Variants in COL24A1 observed in about 807,000 individuals in gnomAD.
COL24A1 encodes collagen alpha-1(XXIV) chain.
A neutral mutation model predicts 253.9 loss-of-function variants in COL24A1; 224 were observed. That is an observed-to-expected ratio of 0.88 (90% CI 0.79 to 0.99). COL24A1 has a LOEUF of 0.99. COL24A1 is among the 50% of genes least tolerant of loss of function. The pLI is 0.00. For synonymous variants in COL24A1, 685 were observed against 673.7 expected (o/e 1.02, Z -0.26); for missense variants, 2,131 against 2,068.5 (o/e 1.03, Z -0.59).
At chr1:85,757,393 G>A (rs1389312567) in intron 55 of COL24A1, among the ~76,000 whole-genome samples, 1 of 151,964 alleles carries the variant, frequency 6.6e-6, no homozygotes, top group Non-Finnish European at 1.5e-5. Flanking sequence ...CCAACAAAGG[G>A]CAAGATGAAT....
At position 85,825,437 on chromosome 1, in the gene COL24A1, C is replaced by T. The variant is rs12092635; in HGVS notation, c.3682-1699G>A. 2.2e-3 allele frequency among the ~76,000 whole-genome samples: 334 copies of T among 152,160 alleles called. 1 individual carries two copies. The highest frequency in any genetic ancestry group is 7.7e-3 in the African/African-American group (318 of 41,494). On this transcript the variant is annotated intron_variant, in intron 43 of 59. Transcript: ENST00000370571. ...GATTTATAGTCCTTTGGTTATATAC[C>T]CAGTAATGGGATGGCTGGGTCAAAT...
intron 47 of COL24A1, among the ~76,000 whole-genome samples, chr1:85,809,980 C>A (rs1276812806): frequency 2.6e-5 from 4 of 151,804 alleles, no homozygotes; most frequent in African/African-American, 9.7e-5. Context: ...TCCACCAAAC[C>A]CTGGCAGCCC....
intron 45 of COL24A1, among the ~76,000 whole-genome samples, chr1:85,823,217 T>G (rs190026405): frequency 6.6e-6 from 1 of 152,208 alleles, no homozygotes; most frequent in African/African-American, 2.4e-5. Context: ...CTTATAATAC[T>G]AGTTTTAAGG....
intron 20 of COL24A1, among the ~76,000 whole-genome samples, chr1:85,986,130 T>C (rs1186038507): frequency 6.6e-6 from 1 of 151,848 alleles, no homozygotes; most frequent in African/African-American, 2.4e-5. Flanking sequence ...TATATATTAT[T>C]CATTATGATT....
chr1:85,965,147 G>T, intron 22 of COL24A1, 85 bp from the exon 23 acceptor site: 1 of 1,009,968 alleles, frequency 9.9e-7, no homozygotes, highest in Non-Finnish European at 1.5e-6. Context: ...ATGAAATTTA[G>T]ACTATTCTTA....
intron 14 of COL24A1, among the ~76,000 whole-genome samples, chr1:86,029,621 T>C (rs989958053): frequency 5.3e-4 from 79 of 149,764 alleles, no homozygotes; most frequent in African/African-American, 1.8e-3. Flanking sequence ...ATTTTTTTTT[T>C]TTTTTTTTTA....
chr1:85,818,078 C>G lies in COL24A1; in HGVS notation c.3799G>C (p.Gly1267Arg), dbSNP rs1433569638. The change falls in exon 46 of 60, where the codon GGG becomes CGG. Residue 1267 changes from glycine (G) to arginine (R), a missense_variant. Transcript: ENST00000370571. ...GAAGGACCAGGAGCTCCTTTTTTCC[C>G]CTTATTACCCTAAAGATGGAAAGCA... ...KGERGSEGNK[G>R]KKGAPGPSGK... 4 of 1,613,242 alleles carry G rather than the reference C, an allele frequency of 2.5e-6. No individual in the cohort carries two copies. The highest frequency in any genetic ancestry group is 1.1e-5 in the South Asian group (1 of 91,046).
chr1:86,109,814 A>AT (rs1218021526), intron 5 of COL24A1, among the ~76,000 whole-genome samples: 2 of 152,174 alleles, frequency 1.3e-5, no homozygotes, highest in African/African-American at 4.8e-5. Flanking sequence ...TCCCTTCAAA[A>AT]TTTATATGTT....
intron 28 of COL24A1, among the ~76,000 whole-genome samples, chr1:85,904,683 AT>A (rs985806573): frequency 2.5e-4 from 38 of 152,252 alleles, no homozygotes; most frequent in African/African-American, 8.4e-4. Context: ...TAAGAATGAT[AT>A]TTTTAGTCAA....
intron 24 of COL24A1, among the ~76,000 whole-genome samples, chr1:85,944,740 C>T (rs1477043829): frequency 6.6e-6 from 1 of 151,894 alleles, no homozygotes. Context: ...TAATGCTATC[C>T]CTCCCCCATT....
chr1:85,857,170 A>G (rs1678527234), intron 37 of COL24A1, among the ~76,000 whole-genome samples: 1 of 152,192 alleles, frequency 6.6e-6, no homozygotes, highest in Non-Finnish European at 1.5e-5. Context: ...TAGCCCTGTC[A>G]ATATGGTTAC....
intron 56 of COL24A1, among the ~76,000 whole-genome samples, chr1:85,745,182 C>T (rs928342224): frequency 5.9e-5 from 9 of 152,014 alleles, no homozygotes; most frequent in African/African-American, 2.2e-4. Flanking sequence ...TAACTACTTT[C>T]TTGGATAGTA....
chr1:86,152,390 C>G (rs941857061), intron 1 of COL24A1, among the ~76,000 whole-genome samples: 2 of 152,170 alleles, frequency 1.3e-5, no homozygotes, highest in South Asian at 4.2e-4. Flanking sequence ...CACAAAATTA[C>G]TAAAAATATT....
At chr1:86,015,307 T>C (rs1559012265) in intron 19 of COL24A1, among the ~76,000 whole-genome samples, 1 of 152,200 alleles carries the variant, frequency 6.6e-6, no homozygotes, top group Non-Finnish European at 1.5e-5. Flanking sequence ...AGAGGAAGGA[T>C]TGGTACTCTG....
intron 11 of COL24A1, among the ~76,000 whole-genome samples, chr1:86,049,733 A>T (rs1021257680): frequency 6.6e-6 from 1 of 152,124 alleles, no homozygotes; most frequent in Non-Finnish European, 1.5e-5. Context: ...AATTAAACAA[A>T]AATATATCTT....
Position 85,962,969 on chromosome 1 carries a change from T to C in COL24A1, c.2518-1676A>G, listed in dbSNP as rs79599455. On this transcript the variant is annotated intron_variant, in intron 23 of 59. Coordinates refer to ENST00000370571, the MANE Select transcript of COL24A1 (RefSeq NM_152890.7). ...TCAAAGACTTTCTACAAAACAAGAA[T>C]AGAAAACATCTCATTAATAATTTCA... 6.6e-3 allele frequency among the ~76,000 whole-genome samples: 1,011 copies of C among 152,220 alleles called. 14 individuals carry two copies. Among genetic ancestry groups the C allele is most frequent in the African/African-American group, 0.023 (944 of 41,548 alleles).
rs191781299 is a variant in COL24A1, at chr1:86,050,014, G to T, written c.1905+110C>A. ...TGGCAGGTGATTTTTCTTCAACCTG[G>T]CTTGCTAACTCAGTAAGATTACTTC... On this transcript the variant is annotated intron_variant, in intron 11 of 59. Transcript: ENST00000370571. 75 of 839,218 alleles carry T rather than the reference G, an allele frequency of 8.9e-5. No individual in the cohort carries two copies. The East Asian group carries it at 1.7e-3, about 19-fold the overall frequency. 52.0% of individuals were successfully genotyped at this position (839,218 alleles called of 1,614,324 possible).
At chr1:85,820,594 A>G (rs548208568) in intron 45 of COL24A1, among the ~76,000 whole-genome samples, 2 of 152,340 alleles carry the variant, frequency 1.3e-5, no homozygotes, top group East Asian at 1.9e-4. Flanking sequence ...ACTGAAGACT[A>G]AACTTATTTT....
At chr1:85,781,828 C>T (rs1218125917) in intron 51 of COL24A1, among the ~76,000 whole-genome samples, 1 of 152,088 alleles carries the variant, frequency 6.6e-6, no homozygotes, top group Non-Finnish European at 1.5e-5. Context: ...GCTTTTAAAA[C>T]TTTAAGCTAT....
Sources: gnomAD v4.1 joint callset for allele counts (sites outside exome capture counted in the v4.1 genomes callset) on GRCh38, gnomAD v4.1.1 for gene constraint, MANE v1.5 for transcripts, NCBI Gene and HGNC (gene_info 2026-07-23, HGNC 2026-07-21) for gene names.